The following PIBF1 variants were observed in gnomAD, a reference collection of about 807,000 sequenced individuals.
PIBF1 encodes progesterone immunomodulatory binding factor 1, also known as progesterone-induced-blocking factor 1.
Under a neutral mutation model 112.5 loss-of-function variants are expected in PIBF1, and 90 were observed. The ratio of observed to expected loss-of-function variants is 0.80; its 90% CI spans 0.67 to 0.95. PIBF1 has a LOEUF of 0.95. Ranked by LOEUF, PIBF1 falls within the 40% of genes least tolerant of loss-of-function variation. The pLI, the probability that PIBF1 is intolerant of heterozygous loss-of-function variation, is 0.00. For synonymous variants in PIBF1, 301 were observed against 288.6 expected (o/e 1.04, Z -0.44); for missense variants, 915 against 852.3 (o/e 1.07, Z -0.92).
At chr13:72,928,524 C>T (rs765505394) in intron 13 of PIBF1, among the ~76,000 whole-genome samples, 2 of 152,160 alleles carry the variant, frequency 1.3e-5, no homozygotes, top group African/African-American at 4.8e-5. Flanking sequence ...ATTGCAACCT[C>T]CGCCTCCCAG....
At chr13:72,977,936 G>A (rs1252523130) in intron 16 of PIBF1, among the ~76,000 whole-genome samples, 1 of 152,068 alleles carries the variant, frequency 6.6e-6, no homozygotes, top group Non-Finnish European at 1.5e-5. Context: ...AGAGAAATAG[G>A]ATATTTTAGG....
At position 72,835,349 on chromosome 13, in the gene PIBF1, A is replaced by G. The variant is rs1192755990; in HGVS notation, c.1204A>G (p.Met402Val). ...IDQLRNASRE[M>V]YERENRNLRE... Reference sequence around the variant, plus strand: ...TCAACTTCGAAATGCCTCTAGGGAAATGTATGAACGAGAAAACAGGTAAAA... The same window carrying G: ...TCAACTTCGAAATGCCTCTAGGGAAGTGTATGAACGAGAAAACAGGTAAAA... The change falls in exon 9 of 18, where the codon ATG (methionine) becomes GTG (valine). Residue 402 changes from methionine (M) to valine (V), a missense_variant. By Grantham distance (21) the Met-to-Val change is conservative. Coordinates refer to ENST00000326291, the MANE Select transcript of PIBF1 (RefSeq NM_006346.4). 2 of 1,579,744 alleles carry G rather than the reference A, an allele frequency of 1.3e-6. No homozygotes were observed. The highest frequency in any genetic ancestry group is 1.4e-5 in the African/African-American group (1 of 72,364).
chr13:73,013,906 A>G (rs545288627), intron 17 of PIBF1, among the ~76,000 whole-genome samples: 1 of 152,270 alleles, frequency 6.6e-6, no homozygotes, highest in Non-Finnish European at 1.5e-5. Flanking sequence ...AAAACCACCA[A>G]CCTAAAATTC....
intron 8 of PIBF1, among the ~76,000 whole-genome samples, chr13:72,834,080 T>G (rs1489330935): frequency 3.9e-5 from 6 of 152,220 alleles, no homozygotes; most frequent in African/African-American, 1.4e-4. Context: ...TAGAAGTATT[T>G]TTTTAAAGAA....
intron 7 of PIBF1, among the ~76,000 whole-genome samples, chr13:72,827,391 G>A (rs1346702212): frequency 6.6e-6 from 1 of 151,808 alleles, no homozygotes; most frequent in African/African-American, 2.4e-5. Flanking sequence ...TGGGATTACA[G>A]GCGTGTGCCA....
chr13:72,923,669 G>C (rs2041375790), intron 13 of PIBF1, among the ~76,000 whole-genome samples: 1 of 152,036 alleles, frequency 6.6e-6, no homozygotes. Flanking sequence ...TATTCTTCTT[G>C]AAGATCTTAG....
At chr13:72,871,551 G>A (rs1156254188) in intron 10 of PIBF1, among the ~76,000 whole-genome samples, 1 of 152,064 alleles carries the variant, frequency 6.6e-6, no homozygotes, top group Non-Finnish European at 1.5e-5. Context: ...TGATCCACCT[G>A]CCTCGGCCTC....
At chr13:72,990,658 G>A (rs568899072) in intron 16 of PIBF1, among the ~76,000 whole-genome samples, 20 of 152,016 alleles carry the variant, frequency 1.3e-4, no homozygotes, top group African/African-American at 4.1e-4. Context: ...GACCAGCCTG[G>A]CCAACTTGGT....
chr13:72,786,880 C>G (rs570956391), intron 2 of PIBF1, among the ~76,000 whole-genome samples: 1 of 152,104 alleles, frequency 6.6e-6, no homozygotes, highest in Non-Finnish European at 1.5e-5. Context: ...AGTTAGCCTT[C>G]CATAATTTAT....
intron 11 of PIBF1, among the ~76,000 whole-genome samples, chr13:72,904,429 A>ATTTT (rs1240090172): frequency 5.9e-5 from 3 of 51,090 alleles, no homozygotes; most frequent in African/African-American, 8.6e-5. Context: ...ATATCAAAAT[A>ATTTT]TTTCTTTTTT....
rs977895898 is a variant in PIBF1, at chr13:73,014,514, A to G, written c.2224-1355A>G. Among the ~76,000 whole-genome samples the G allele has an allele frequency of 7.9e-5, 12 of 152,198 alleles. No homozygotes were observed. The East Asian group carries it at 1.9e-3, about 24-fold the overall frequency. ...ATGCCTGTCTATAGACATTTGTCCA[A>G]ACCCATAAAATGCATAGTACCAAGA... On this transcript the variant is annotated intron_variant, in intron 17 of 17. Transcript: ENST00000326291.
chr13:72,790,184 C>T (rs1199036101), intron 2 of PIBF1, among the ~76,000 whole-genome samples: 2 of 152,064 alleles, frequency 1.3e-5, no homozygotes, highest in African/African-American at 2.4e-5. Flanking sequence ...TTAAGAGTTA[C>T]ATGTCCTGAT....
chr13:72,791,037 T>TTTGTTTG (rs1566272832), intron 2 of PIBF1, among the ~76,000 whole-genome samples: 5 of 149,724 alleles, frequency 3.3e-5, no homozygotes, highest in Admixed American at 6.7e-5. Flanking sequence ...ATTCATGTAT[T>TTTGTTTG]TTTGTTTGTT....
intron 11 of PIBF1, among the ~76,000 whole-genome samples, chr13:72,894,779 G>GTGTA (rs2040210619): frequency 7.0e-6 from 1 of 143,716 alleles, no homozygotes. Context: ...TATAGTGTGT[G>GTGTA]TGTGTGTGTG....
chr13:72,854,995 C>T (rs2038349110), intron 10 of PIBF1, among the ~76,000 whole-genome samples: 1 of 152,114 alleles, frequency 6.6e-6, no homozygotes, highest in Non-Finnish European at 1.5e-5. Flanking sequence ...AAACATTCTA[C>T]ACTTTCAATT....
chr13:72,811,076 G>A (rs2035986665), intron 5 of PIBF1, among the ~76,000 whole-genome samples: 1 of 152,024 alleles, frequency 6.6e-6, no homozygotes. Context: ...TAGCCAGGAT[G>A]GTCTTGATCT....
At chr13:72,787,662 T>C (rs1471935593) in intron 2 of PIBF1, among the ~76,000 whole-genome samples, 1 of 152,180 alleles carries the variant, frequency 6.6e-6, no homozygotes, top group Non-Finnish European at 1.5e-5. Flanking sequence ...ACTTTTTTTT[T>C]CTTTTAATTT....
intron 14 of PIBF1, among the ~76,000 whole-genome samples, chr13:72,942,121 G>A (rs775406898): frequency 3.3e-5 from 5 of 151,982 alleles, no homozygotes; most frequent in Non-Finnish European, 7.4e-5. Context: ...TCAGTCTCTT[G>A]GAAAGAGTCT....
intron 9 of PIBF1, among the ~76,000 whole-genome samples, chr13:72,843,727 TAC>T (rs2037714173): frequency 6.6e-6 from 1 of 152,146 alleles, no homozygotes; most frequent in African/African-American, 2.4e-5. Context: ...TCTGATCTTT[TAC>T]AGATGTGGCA....
Sources: allele counts gnomAD v4.1 joint callset (sites outside exome capture counted in the v4.1 genomes callset), GRCh38; gene constraint gnomAD v4.1.1; transcripts MANE v1.5; gene names NCBI Gene and HGNC (gene_info 2026-07-23, HGNC 2026-07-21).